The following ADAMTSL3 variants were observed in gnomAD, a reference collection of about 807,000 sequenced individuals.
The protein encoded by ADAMTSL3 is ADAMTS like 3, also known as ADAMTS-like protein 3.
Under a neutral mutation model 201.7 loss-of-function variants are expected in ADAMTSL3, and 128 were observed. That is an observed-to-expected ratio of 0.63 (90% CI 0.55 to 0.73). The LOEUF is 0.73. ADAMTSL3 is among the 30% of genes least tolerant of loss of function. The pLI is 0.00. For missense variants in ADAMTSL3, 1,990 were observed against 2,119.6 expected (o/e 0.94, Z 1.20); for synonymous variants, 738 against 748.4 (o/e 0.99, Z 0.23).
chr15:84,000,824 T>C (rs532818571), intron 23 of ADAMTSL3, among the ~76,000 whole-genome samples: 25 of 152,226 alleles, frequency 1.6e-4, no homozygotes, highest in Admixed American at 7.8e-4. Context: ...CACAAGCAGA[T>C]CTGTGTGACT....
At chr15:83,822,168 G>A (rs1477260312) in intron 6 of ADAMTSL3, among the ~76,000 whole-genome samples, 1 of 149,392 alleles carries the variant, frequency 6.7e-6, no homozygotes. Flanking sequence ...GGCTGGCCTG[G>A]CGGGGGCTGA....
At chr15:83,674,099 T>C (rs1194956560) in intron 2 of ADAMTSL3, among the ~76,000 whole-genome samples, 1 of 151,162 alleles carries the variant, frequency 6.6e-6, no homozygotes, top group African/African-American at 2.4e-5. Flanking sequence ...GGTGAAGTTC[T>C]ATTTATCAAA....
At chr15:83,755,980 C>T (rs184590118) in intron 3 of ADAMTSL3, among the ~76,000 whole-genome samples, 6 of 152,244 alleles carry the variant, frequency 3.9e-5, no homozygotes, top group East Asian at 3.9e-4. Context: ...AGGCTGCTCT[C>T]GAACTCCTGA....
intron 16 of ADAMTSL3, among the ~76,000 whole-genome samples, chr15:83,918,563 C>T (rs1027262562): frequency 2.6e-5 from 4 of 152,076 alleles, no homozygotes; most frequent in African/African-American, 9.7e-5. Context: ...AGAGCATATG[C>T]AAAGGCCAGC....
At chr15:83,926,145 G>C (rs1478929592) in intron 17 of ADAMTSL3, among the ~76,000 whole-genome samples, 2 of 152,222 alleles carry the variant, frequency 1.3e-5, no homozygotes, top group Non-Finnish European at 2.9e-5. Context: ...TCCTGAGGAA[G>C]TTATTTAAGA....
intron 16 of ADAMTSL3, among the ~76,000 whole-genome samples, chr15:83,915,960 A>T (rs2066025918): frequency 6.6e-6 from 1 of 152,190 alleles, no homozygotes. Context: ...ACGTTCATGT[A>T]TATGATTTTA....
chr15:83,703,892 T>C (rs1261885846), intron 2 of ADAMTSL3, among the ~76,000 whole-genome samples: 1 of 151,660 alleles, frequency 6.6e-6, no homozygotes, highest in Non-Finnish European at 1.5e-5. Flanking sequence ...GTTGAAAAGA[T>C]TATGGGTGAT....
intron 24 of ADAMTSL3, among the ~76,000 whole-genome samples, chr15:84,015,601 C>T (rs2068075740): frequency 6.6e-6 from 1 of 152,158 alleles, no homozygotes; most frequent in Admixed American, 6.5e-5. Flanking sequence ...TCTTTTGGTG[C>T]TCTCCCTGCT....
At chr15:83,814,461 A>C (rs1265368523) in intron 5 of ADAMTSL3, among the ~76,000 whole-genome samples, 1 of 152,154 alleles carries the variant, frequency 6.6e-6, no homozygotes, top group Non-Finnish European at 1.5e-5. Flanking sequence ...AAGGCTGCAC[A>C]CTGCTCCTTA....
intron 4 of ADAMTSL3, among the ~76,000 whole-genome samples, chr15:83,795,091 T>C (rs560264846): frequency 6.6e-6 from 1 of 152,198 alleles, no homozygotes; most frequent in East Asian, 1.9e-4. Context: ...TGACCTCAAG[T>C]GATCCACCTG....
chr15:83,892,753 G>A lies in ADAMTSL3; in HGVS notation c.1332G>A (p.Val444=), dbSNP rs1038921276. The change falls in exon 13 of 30, where the codon GTG becomes GTA. Residue 444 remains valine, a synonymous_variant. Transcript: ENST00000286744. ...CGGGIQRRSF[V]CVEESMHGEI... Reference sequence around the variant, plus strand: ...GAGGGATTCAGAGACGGAGCTTTGTGTGTGTAGAGGAATCCATGCATGGAG... The same window carrying A: ...GAGGGATTCAGAGACGGAGCTTTGTATGTGTAGAGGAATCCATGCATGGAG... 15 of 1,614,036 alleles carry A rather than the reference G, an allele frequency of 9.3e-6. No individual in the cohort carries two copies. The highest frequency in any genetic ancestry group is 1.3e-5 in the Non-Finnish European group (15 of 1,180,028).
chr15:83,932,442 C>G (rs1183776632), intron 17 of ADAMTSL3, among the ~76,000 whole-genome samples: 1 of 152,156 alleles, frequency 6.6e-6, no homozygotes, highest in Non-Finnish European at 1.5e-5. Context: ...GCCTGATAGA[C>G]AAGTCCTTAG....
At chr15:83,937,039 G>A (rs999965602) in intron 17 of ADAMTSL3, among the ~76,000 whole-genome samples, 1 of 150,934 alleles carries the variant, frequency 6.6e-6, no homozygotes, top group Non-Finnish European at 1.5e-5. Flanking sequence ...GCAGAGAAAA[G>A]AGAACATTTA....
chr15:83,799,315 T>G (rs1476925847), intron 4 of ADAMTSL3, among the ~76,000 whole-genome samples: 4 of 152,130 alleles, frequency 2.6e-5, no homozygotes, highest in Admixed American at 2.6e-4. Context: ...AAATAGCAAA[T>G]GTAGCTATTT....
At chr15:83,804,110 T>C (rs978592345) in intron 4 of ADAMTSL3, among the ~76,000 whole-genome samples, 3 of 151,778 alleles carry the variant, frequency 2.0e-5, no homozygotes, top group Admixed American at 2.0e-4. Flanking sequence ...GCCATTGCAC[T>C]CCAGCCTGGG....
At chr15:83,960,431 G>A (rs2066945200) in intron 19 of ADAMTSL3, among the ~76,000 whole-genome samples, 1 of 152,154 alleles carries the variant, frequency 6.6e-6, no homozygotes, top group South Asian at 2.1e-4. Context: ...ATTTCCCTAG[G>A]AGTAAATGTG....
intron 19 of ADAMTSL3, among the ~76,000 whole-genome samples, chr15:83,968,695 A>G (rs115825942): frequency 1.6e-3 from 250 of 152,358 alleles, no homozygotes; most frequent in African/African-American, 5.8e-3. Flanking sequence ...TCATTCTACT[A>G]TGACACATGC....
At chr15:83,712,826 C>T (rs903499349) in intron 3 of ADAMTSL3, among the ~76,000 whole-genome samples, 1 of 152,180 alleles carries the variant, frequency 6.6e-6, no homozygotes, top group African/African-American at 2.4e-5. Flanking sequence ...ACAGACCTTC[C>T]ACTTCAGTCA....
chr15:83,980,395 T>C (rs1398360041), intron 20 of ADAMTSL3, among the ~76,000 whole-genome samples: 3 of 152,142 alleles, frequency 2.0e-5, no homozygotes, highest in Non-Finnish European at 4.4e-5. Context: ...ATCTATATTA[T>C]CTATAGTAAT....
Sources: allele counts gnomAD v4.1 joint callset (sites outside exome capture counted in the v4.1 genomes callset), GRCh38; gene constraint gnomAD v4.1.1; transcripts MANE v1.5; gene names NCBI Gene and HGNC (gene_info 2026-07-23, HGNC 2026-07-21).